PMFBP1: variants seen among roughly 807,000 people sequenced by gnomAD.
PMFBP1 encodes the protein polyamine-modulated factor 1-binding protein 1.
Under a neutral mutation model 137.8 loss-of-function variants are expected in PMFBP1, and 131 were observed. That is an observed-to-expected ratio of 0.95 (90% CI 0.82 to 1.10). The LOEUF (loss-of-function observed/expected upper bound fraction) is 1.10. Ranked by LOEUF, PMFBP1 falls within the 50% of genes least tolerant of loss-of-function variation. PMFBP1 has a pLI of 0.00. For synonymous variants in PMFBP1, 490 were observed against 450.4 expected, an observed-to-expected ratio of 1.09 and a Z score of -1.11; for missense variants, 1,199 against 1,175.4, an observed-to-expected ratio of 1.02 and a Z score of -0.29.
chr16:72,170,552 C>T, intron 2 of PMFBP1, among the ~76,000 whole-genome samples: 1 of 152,172 alleles, frequency 6.6e-6, no homozygotes, highest in East Asian at 1.9e-4. Context: ...GCCTCAGCCT[C>T]CTGAGTGGCT....
chr16:72,204,703 C>G, the PMFBP1 span, among the ~76,000 whole-genome samples: 2 of 152,040 alleles, frequency 1.3e-5, no homozygotes, highest in Non-Finnish European at 2.9e-5. Context: ...CTTGATATAC[C>G]ATTTTTTATT....
the PMFBP1 span, among the ~76,000 whole-genome samples, chr16:72,224,334 A>T: frequency 6.6e-6 from 1 of 151,434 alleles, no homozygotes; most frequent in Non-Finnish European, 1.5e-5. Flanking sequence ...TCTCTCCTCT[A>T]CTCCGTTGAC....
At chr16:72,228,923 T>C in the PMFBP1 span, among the ~76,000 whole-genome samples, 49 of 151,776 alleles carry the variant, frequency 3.2e-4, no homozygotes, top group African/African-American at 1.1e-3. Flanking sequence ...CTGGGTGGCA[T>C]GGGGCTTTGG....
At chr16:72,192,654 G>C in the PMFBP1 span, among the ~76,000 whole-genome samples, 141 of 152,156 alleles carry the variant, frequency 9.3e-4, 4 homozygotes, top group East Asian at 0.021. Flanking sequence ...TTGGGAGGCC[G>C]AGGCAGGCAG....
intron 2 of PMFBP1, 104 bp from the exon 3 acceptor site, chr16:72,165,020 G>T: frequency 9.4e-6 from 12 of 1,276,086 alleles, no homozygotes; most frequent in Non-Finnish European, 1.3e-5. Context: ...CTGGAAATTT[G>T]TCCATCAACC....
the PMFBP1 span, among the ~76,000 whole-genome samples, chr16:72,196,721 A>C: frequency 6.6e-6 from 1 of 152,184 alleles, no homozygotes; most frequent in African/African-American, 2.4e-5. Context: ...TCCACTGGGG[A>C]ATCTCCAGGA....
At chr16:72,176,931 C>T (rs2043261355), upstream of PMFBP1, 1 of 152,280 alleles carries the variant, frequency 6.6e-6, no homozygotes, top group Non-Finnish European at 1.5e-5. Flanking sequence ...AATGCCCCTT[C>T]CCTTTCTCGA....
chr16:72,237,856 T>A, the PMFBP1 span, among the ~76,000 whole-genome samples: 2 of 152,198 alleles, frequency 1.3e-5, no homozygotes, highest in African/African-American at 2.4e-5. Flanking sequence ...GTCCATGTGT[T>A]CTCATCATTT....
chr16:72,123,977 A>C (rs564962214), intron 17 of PMFBP1, among the ~76,000 whole-genome samples: 1 of 152,320 alleles, frequency 6.6e-6, no homozygotes, highest in Non-Finnish European at 1.5e-5. Flanking sequence ...CAGATGGAAG[A>C]AAAACATCTG....
chr16:72,130,970 G>A (rs1218528735), intron 10 of PMFBP1, among the ~76,000 whole-genome samples: 3 of 152,126 alleles, frequency 2.0e-5, no homozygotes, highest in Non-Finnish European at 2.9e-5. Context: ...ACTCCTGTGC[G>A]ACTCATTCTG....
At chr16:72,246,287 A>G in the PMFBP1 span, among the ~76,000 whole-genome samples, 1 of 152,220 alleles carries the variant, frequency 6.6e-6, no homozygotes, top group Non-Finnish European at 1.5e-5. Context: ...ACTTGCCTCA[A>G]GTTGACAAGT....
chr16:72,231,150 G>A, the PMFBP1 span, among the ~76,000 whole-genome samples: 3 of 152,284 alleles, frequency 2.0e-5, no homozygotes, highest in Non-Finnish European at 4.4e-5. Flanking sequence ...AGGGCACAGA[G>A]GATTAAGGTG....
intron 3 of PMFBP1, among the ~76,000 whole-genome samples, chr16:72,163,512 T>C (rs1003979303): frequency 6.6e-6 from 1 of 152,188 alleles, no homozygotes; most frequent in Admixed American, 6.5e-5. Flanking sequence ...TGCTACTGAG[T>C]GTCTTCACTT....
At chr16:72,157,003 C>T (rs986504209) in intron 3 of PMFBP1, among the ~76,000 whole-genome samples, 32 of 151,238 alleles carry the variant, frequency 2.1e-4, no homozygotes, top group African/African-American at 7.3e-5. Flanking sequence ...CTGGCTAACA[C>T]GGTGAAACCC....
At chr16:72,225,721 A>T in the PMFBP1 span, among the ~76,000 whole-genome samples, 59 of 144,308 alleles carry the variant, frequency 4.1e-4, no homozygotes, top group Admixed American at 7.6e-4. Context: ...TAATAATAAT[A>T]ATAATAATAA....
intron 10 of PMFBP1, among the ~76,000 whole-genome samples, chr16:72,131,300 C>T (rs993029862): frequency 5.3e-5 from 8 of 151,878 alleles, no homozygotes; most frequent in Middle Eastern, 3.4e-3. Flanking sequence ...GAATGGTGGG[C>T]GATAGAGTTG....
intron 3 of PMFBP1, 93 bp from the exon 4 acceptor site, chr16:72,154,552 A>C (rs1484830301): frequency 2.9e-6 from 4 of 1,361,122 alleles, no homozygotes; most frequent in Non-Finnish European, 4.0e-6. Context: ...TCAGTCATTC[A>C]CATCCATCTA....
the PMFBP1 span, among the ~76,000 whole-genome samples, chr16:72,240,918 A>G: frequency 1.3e-5 from 2 of 151,556 alleles, no homozygotes; most frequent in Non-Finnish European, 2.9e-5. Flanking sequence ...TGTGTGAGAG[A>G]GAGAGAGAGA....
At chr16:72,197,578 G>A in the PMFBP1 span, among the ~76,000 whole-genome samples, 3 of 152,138 alleles carry the variant, frequency 2.0e-5, no homozygotes, top group Non-Finnish European at 2.9e-5. Context: ...TTCCTCGAGA[G>A]AGCAGTCTGC....
Sources: gnomAD v4.1 joint callset for allele counts (sites outside exome capture counted in the v4.1 genomes callset) on GRCh38, gnomAD v4.1.1 for gene constraint, MANE v1.5 for transcripts, NCBI Gene and HGNC (gene_info 2026-07-23, HGNC 2026-07-21) for gene names.